The following SYT10 variants were observed in gnomAD, a reference collection of about 807,000 sequenced individuals.
SYT10 encodes synaptotagmin 10.
In SYT10, 31 loss-of-function variants were observed where a neutral mutation model predicts 51.1. The ratio of observed to expected loss-of-function variants is 0.61; its 90% CI spans 0.46 to 0.82. The LOEUF is 0.82. SYT10 is among the 40% of genes least tolerant of loss of function. SYT10 has a pLI of 0.00. For missense variants in SYT10, 603 were observed against 634.0 expected (o/e 0.95, Z 0.53); for synonymous variants, 233 against 225.9 (o/e 1.03, Z -0.28).
rs189351009 is a variant in SYT10, at chr12:33,394,378, T to C, written c.1078-9087A>G. On this transcript the variant is annotated intron_variant, in intron 3 of 6. Transcript: ENST00000228567. ...AAGATTTAGGAAAAGAGTTAAGGCA[T>C]CAGTATCTCTCATTCATTTTTTCAA... Among the ~76,000 whole-genome samples, 22 of 152,310 alleles carry C rather than the reference T, an allele frequency of 1.4e-4. No homozygotes were observed. In the East Asian group the frequency reaches 4.1e-3, roughly 28 times the overall value.
At chr12:33,406,278 T>A (rs1448959705) in intron 3 of SYT10, among the ~76,000 whole-genome samples, 1 of 152,118 alleles carries the variant, frequency 6.6e-6, no homozygotes, top group East Asian at 1.9e-4. Flanking sequence ...ATATTGTAAT[T>A]GTGTGTATTC....
Position 33,375,615 on chromosome 12 carries a change from C to T in SYT10, c.*1215G>A, listed in dbSNP as rs1230422087. On this transcript the variant is annotated 3_prime_UTR_variant, in exon 7 of 7. Coordinates refer to ENST00000228567, the MANE Select transcript of SYT10 (RefSeq NM_198992.4). ...CTTGCATAGTTTTTACATGTAGTGG[C>T]CTGAACCTTGATCCTTATGAAGGCA... 4 of 152,042 alleles carry T rather than the reference C, an allele frequency of 2.6e-5. No individual in the cohort carries two copies. The highest frequency in any genetic ancestry group is 9.7e-5 in the African/African-American group (4 of 41,422). 9.4% of individuals were successfully genotyped at this position (152,042 alleles called of 1,614,324 possible).
chr12:33,396,496 T>G (rs190233446), intron 3 of SYT10, among the ~76,000 whole-genome samples: 12 of 152,202 alleles, frequency 7.9e-5, no homozygotes, highest in Non-Finnish European at 1.2e-4. Flanking sequence ...TGTGGCATTT[T>G]ATAAGTATTT....
At chr12:33,383,725 T>C (rs1277508226) in intron 4 of SYT10, among the ~76,000 whole-genome samples, 1 of 152,136 alleles carries the variant, frequency 6.6e-6, no homozygotes, top group Non-Finnish European at 1.5e-5. Flanking sequence ...ACTACATTTC[T>C]CTGCTTGTGA....
chr12:33,380,272 G>T (rs1295981935), intron 5 of SYT10, among the ~76,000 whole-genome samples: 1 of 152,148 alleles, frequency 6.6e-6, no homozygotes, highest in Non-Finnish European at 1.5e-5. Context: ...TATGATGAGT[G>T]TCTTTCTTGG....
At chr12:33,398,090 T>G (rs1866272195) in intron 3 of SYT10, among the ~76,000 whole-genome samples, 1 of 151,762 alleles carries the variant, frequency 6.6e-6, no homozygotes, top group Non-Finnish European at 1.5e-5. Flanking sequence ...AGAGTGGAAG[T>G]GGAGAGAAAT....
At chr12:33,392,985 T>TAAAAAAAAAAAAAAAAAA (rs71068378) in intron 3 of SYT10, among the ~76,000 whole-genome samples, 2 of 59,082 alleles carry the variant, frequency 3.4e-5, no homozygotes, top group Admixed American at 2.2e-4. Context: ...TTTTTGCCAT[T>TAAAAAAAAAAAAAAAAAA]AAAAAAAAAA....
intron 4 of SYT10, among the ~76,000 whole-genome samples, chr12:33,383,570 A>T (rs1866133932): frequency 6.6e-6 from 1 of 152,178 alleles, no homozygotes; most frequent in African/African-American, 2.4e-5. Flanking sequence ...TTATTTTTAA[A>T]TTTTTAAATA....
chr12:33,397,358 G>A (rs1296891739), intron 3 of SYT10, among the ~76,000 whole-genome samples: 1 of 152,110 alleles, frequency 6.6e-6, no homozygotes, highest in Non-Finnish European at 1.5e-5. Flanking sequence ...GACTTAAACA[G>A]CAAGTGGGGA....
At chr12:33,393,366 C>A (rs531341741) in intron 3 of SYT10, among the ~76,000 whole-genome samples, 20 of 152,288 alleles carry the variant, frequency 1.3e-4, no homozygotes, top group Non-Finnish European at 2.5e-4. Context: ...AAACTTCCAT[C>A]ATCATTTACA....
chr12:33,434,834 A>G (rs1382793930), intron 1 of SYT10, among the ~76,000 whole-genome samples: 1 of 152,184 alleles, frequency 6.6e-6, no homozygotes, highest in South Asian at 2.1e-4. Flanking sequence ...TAGTAAATAA[A>G]TAAAGTAGCT....
chr12:33,384,850 T>A (rs1866143750), intron 4 of SYT10, among the ~76,000 whole-genome samples: 1 of 152,156 alleles, frequency 6.6e-6, no homozygotes, highest in Non-Finnish European at 1.5e-5. Flanking sequence ...AGCCTAAGAA[T>A]CTTCCTTTAT....
chr12:33,417,897 G>C (rs1445178808), intron 2 of SYT10, among the ~76,000 whole-genome samples: 2 of 152,192 alleles, frequency 1.3e-5, no homozygotes, highest in Non-Finnish European at 2.9e-5. Context: ...CATAGTGACA[G>C]AATCAATGGA....
chr12:33,389,792 G>C (rs1055324417), intron 3 of SYT10, among the ~76,000 whole-genome samples: 4 of 152,160 alleles, frequency 2.6e-5, no homozygotes, highest in African/African-American at 9.7e-5. Flanking sequence ...TGTAGAACTA[G>C]ATCAAATGAG....
chr12:33,437,082 T>C (rs1413524628), intron 1 of SYT10, among the ~76,000 whole-genome samples: 1 of 148,512 alleles, frequency 6.7e-6, no homozygotes, highest in Non-Finnish European at 1.5e-5. Flanking sequence ...ATCCACTTCA[T>C]AGATATCTAT....
rs1199781936 is a variant in SYT10 at position 33,401,150 on chromosome 12, C to CA, written c.1077+5638dup. Among the ~76,000 whole-genome samples the CA allele has an allele frequency of 2.6e-5, 4 of 152,270 alleles. No individual in the cohort carries two copies. The East Asian group carries it at 7.7e-4, about 29-fold the overall frequency. ...CTGCAAATCATTCTTTTTCTATAGT[C>CA]ATTCATCCAGTTTCTACCATATATT... On this transcript the variant is annotated intron_variant, in intron 3 of 6. Transcript: ENST00000228567.
chr12:33,388,121 T>C (rs545264684), intron 3 of SYT10, among the ~76,000 whole-genome samples: 24 of 151,758 alleles, frequency 1.6e-4, no homozygotes, highest in African/African-American at 5.8e-4. Context: ...ACAAAACTGC[T>C]AAAAAAAAGA....
intron 1 of SYT10, among the ~76,000 whole-genome samples, 159 bp downstream of exon 1, chr12:33,439,213 G>A (rs1459568936): frequency 4.6e-5 from 7 of 152,382 alleles, no homozygotes; most frequent in South Asian, 4.1e-4. Flanking sequence ...CACCCTCGAA[G>A]TCGTCAGGAG....
intron 2 of SYT10, among the ~76,000 whole-genome samples, chr12:33,410,454 G>A (rs78811719): frequency 6.6e-6 from 1 of 152,162 alleles, no homozygotes. Context: ...AAACTGAAAT[G>A]AGCTGTGAGA....
Sources: allele counts gnomAD v4.1 joint callset (sites outside exome capture counted in the v4.1 genomes callset), GRCh38; gene constraint gnomAD v4.1.1; transcripts MANE v1.5; gene names NCBI Gene and HGNC (gene_info 2026-07-23, HGNC 2026-07-21).